ARHGAP40: variants seen among roughly 807,000 people sequenced by gnomAD.
ARHGAP40 encodes the protein rho GTPase-activating protein 40.
Under a neutral mutation model 73.5 loss-of-function variants are expected in ARHGAP40, and 43 were observed. That is an observed-to-expected ratio of 0.58 (90% confidence interval 0.46 to 0.75). ARHGAP40 has a LOEUF of 0.75. Among genes scored for constraint, ARHGAP40 ranks in the 30% least tolerant of loss-of-function variants. The probability of loss-of-function intolerance (pLI) is 0.00; values close to 1 mark genes in which losing one functional copy is unlikely to be tolerated. For synonymous variants in ARHGAP40, 300 were observed against 352.8 expected (o/e 0.85, Z 1.68); for missense variants, 734 against 861.8 (o/e 0.85, Z 1.86).
chr20:38,618,265 A>G (rs910322430), intron 1 of ARHGAP40, among the ~76,000 whole-genome samples: 4 of 151,910 alleles, frequency 2.6e-5, no homozygotes, highest in Admixed American at 1.3e-4. Context: ...ACGCCCATTA[A>G]TTTTTTGTAT....
exon 1 of ARHGAP40, chr20:38,602,036 A>C (rs1405922861): frequency 7.8e-7 from 1 of 1,287,368 alleles, no homozygotes; most frequent in Non-Finnish European, 1.0e-6. Flanking sequence ...GCGGGCCCGC[A>C]TTGCCAGGCG....
chr20:38,610,613 G>A (rs147664706), intron 1 of ARHGAP40, among the ~76,000 whole-genome samples: 25 of 152,300 alleles, frequency 1.6e-4, no homozygotes, highest in Non-Finnish European at 2.2e-4. Flanking sequence ...TGGAAAAGGC[G>A]GCATATCTTG....
chr20:38,613,544 G>A (rs1375642793), intron 1 of ARHGAP40, among the ~76,000 whole-genome samples: 1 of 152,136 alleles, frequency 6.6e-6, no homozygotes, highest in Non-Finnish European at 1.5e-5. Context: ...AAAGCTTACT[G>A]GGAGATTCCA....
intron 1 of ARHGAP40, among the ~76,000 whole-genome samples, chr20:38,605,472 T>C (rs1294697870): frequency 6.6e-6 from 1 of 152,240 alleles, no homozygotes; most frequent in Non-Finnish European, 1.5e-5. Context: ...TCACTGTCTA[T>C]GTGGACTTCA....
chr20:38,627,029 A>C (rs1422480187), exon 3 of ARHGAP40: 1 of 1,304,820 alleles, frequency 7.7e-7, no homozygotes, highest in Non-Finnish European at 1.0e-6. Context: ...TGCAGGACAC[A>C]GGCCTGTCGG....
chr20:38,648,153 AC>A (rs1163544526), intron 13 of ARHGAP40, among the ~76,000 whole-genome samples: 2 of 152,240 alleles, frequency 1.3e-5, no homozygotes, highest in African/African-American at 2.4e-5. Context: ...AAGAGAAGGG[AC>A]TTGCCTTAGG....
intron 6 of ARHGAP40, 93 bp from the exon 7 acceptor site, chr20:38,637,615 G>A (rs781705569): frequency 9.8e-5 from 98 of 1,001,588 alleles, no homozygotes; most frequent in Non-Finnish European, 1.3e-4. Flanking sequence ...AGGAAAAGGG[G>A]TCTGATTCTA....
intron 2 of ARHGAP40, among the ~76,000 whole-genome samples, chr20:38,625,311 T>G (rs139904653): frequency 6.6e-6 from 1 of 152,142 alleles, no homozygotes; most frequent in African/African-American, 2.4e-5. Context: ...GAGAAGCCAC[T>G]TTGAGCAACC....
At chr20:38,630,460 A>G (rs760520180) in intron 5 of ARHGAP40, among the ~76,000 whole-genome samples, 13 of 151,924 alleles carry the variant, frequency 8.6e-5, no homozygotes, top group South Asian at 2.1e-4. Context: ...GGCTCAAGCA[A>G]TCCTCCAGCC....
chr20:38,602,011 G>A lies in ARHGAP40; in HGVS notation c.69G>A (p.Pro23=), dbSNP rs755146248. The change falls in exon 1 of 15, where the codon CCG becomes CCA. Residue 23 remains proline, a synonymous_variant. Coordinates refer to ENST00000373345, the Ensembl canonical transcript of ARHGAP40. ...TGGCCCCAGGGCCCCTAGCCTCACC[G>A]TGTCCTCGGATCCCGCGGGCCCGCA... The A allele has an allele frequency of 1.7e-5, 22 of 1,287,518 alleles. No homozygotes were observed. The South Asian group carries it at 2.0e-4, about 12-fold the overall frequency. The allele number at this position is 1,287,518 out of a possible 1,614,324, so 79.8% of individuals were successfully genotyped here.
At chr20:38,647,203 G>A (rs2089060039) in intron 13 of ARHGAP40, 77 bp downstream of exon 13, 3 of 1,206,826 alleles carry the variant, frequency 2.5e-6, no homozygotes, top group Non-Finnish European at 3.2e-6. Context: ...AGGCCACCAG[G>A]GGGTTACACA....
exon 15 of ARHGAP40, chr20:38,650,006 A>G: frequency 2.2e-6 from 1 of 450,632 alleles, no homozygotes; most frequent in Non-Finnish European, 4.0e-6. Context: ...CCTCAGAAAT[A>G]GACTCAGGGG....
At chr20:38,619,719 C>T (rs946039842) in intron 1 of ARHGAP40, among the ~76,000 whole-genome samples, 4 of 149,886 alleles carry the variant, frequency 2.7e-5, no homozygotes, top group Non-Finnish European at 5.9e-5. Flanking sequence ...TTGGTGGGTC[C>T]CCCAATCCCG....
exon 15 of ARHGAP40, chr20:38,650,501 A>G: frequency 2.1e-6 from 1 of 469,606 alleles, no homozygotes; most frequent in Non-Finnish European, 4.4e-6. Context: ...GATTGTAGCC[A>G]TGACCAGCCC....
intron 1 of ARHGAP40, among the ~76,000 whole-genome samples, chr20:38,612,938 G>A (rs1287578092): frequency 6.6e-6 from 1 of 152,298 alleles, no homozygotes; most frequent in Middle Eastern, 3.4e-3. Flanking sequence ...AAGGACTTTC[G>A]AAGCTTCTCT....
chr20:38,623,703 C>T, intron 2 of ARHGAP40, 145 bp downstream of exon 2: 3 of 489,168 alleles, frequency 6.1e-6, no homozygotes, highest in Non-Finnish European at 9.4e-6. Flanking sequence ...TCACTGCTCT[C>T]CCTGCTTCAC....
intron 1 of ARHGAP40, among the ~76,000 whole-genome samples, chr20:38,619,720 C>T (rs1434641306): frequency 6.7e-6 from 1 of 150,094 alleles, no homozygotes; most frequent in African/African-American, 2.5e-5. Context: ...TGGTGGGTCC[C>T]CCAATCCCGT....
intron 2 of ARHGAP40, among the ~76,000 whole-genome samples, chr20:38,624,481 C>T (rs1301205810): frequency 2.0e-5 from 3 of 152,138 alleles, no homozygotes; most frequent in African/African-American, 4.8e-5. Flanking sequence ...AATTTGGGGA[C>T]GTGTAATAAA....
intron 9 of ARHGAP40, among the ~76,000 whole-genome samples, chr20:38,640,070 G>A (rs1022069846): frequency 1.4e-5 from 2 of 146,612 alleles, no homozygotes; most frequent in African/African-American, 5.1e-5. Flanking sequence ...CGACCGCAGC[G>A]TTTTGGTTGT....
Sources: allele counts gnomAD v4.1 joint callset (sites outside exome capture counted in the v4.1 genomes callset), GRCh38; gene constraint gnomAD v4.1.1; transcripts MANE v1.5; gene names NCBI Gene and HGNC (gene_info 2026-07-23, HGNC 2026-07-21).